The following GLIS2 variants were observed in gnomAD, a reference collection of about 807,000 sequenced individuals.
GLIS2 encodes GLIS family zinc finger 2.
Under a neutral mutation model 35.6 loss-of-function variants are expected in GLIS2, and 14 were observed. The ratio of observed to expected loss-of-function variants is 0.39; its 90% CI spans 0.26 to 0.61. GLIS2 has a LOEUF of 0.61. GLIS2 is among the 20% of genes least tolerant of loss of function. GLIS2 has a pLI of 0.48. For missense variants in GLIS2, 675 were observed against 713.4 expected (o/e 0.95, Z 0.61); for synonymous variants, 368 against 325.1 (o/e 1.13, Z -1.42).
At position 4,316,790 on chromosome 16, in the gene GLIS2, G is replaced by T. The variant is rs538563119; in HGVS notation, c.-67+536G>T. On this transcript the variant is annotated intron_variant, in intron 1 of 6. Transcript: ENST00000433375. Reference sequence around the variant, plus strand: ...ACCTCGGGAAGGGGCGTCCCTGGGGGGTCAGGACTGGGAGTTTGGGACAAG... The same window carrying T: ...ACCTCGGGAAGGGGCGTCCCTGGGGTGTCAGGACTGGGAGTTTGGGACAAG... 1.1e-4 allele frequency among the ~76,000 whole-genome samples: 16 copies of T among 152,290 alleles called. 1 individual carries two copies. Among genetic ancestry groups the T allele is most frequent in the East Asian group, 9.7e-4 (5 of 5,152 alleles).
chr16:4,316,637 C>T (rs2053316052), intron 1 of GLIS2, among the ~76,000 whole-genome samples: 1 of 151,490 alleles, frequency 6.6e-6, no homozygotes, highest in Admixed American at 6.6e-5. Flanking sequence ...ATGAAGTTGT[C>T]CGGGGCAGCC....
chr16:4,337,953 G>A lies in GLIS2; in HGVS notation c.*429G>A, dbSNP rs1369957524. The A allele has an allele frequency of 3.1e-6, 1 of 323,608 alleles. No homozygotes were observed. Among genetic ancestry groups the A allele is most frequent in the African/African-American group, 2.2e-5 (1 of 46,348 alleles). 20.0% of individuals were successfully genotyped at this position (323,608 alleles called of 1,614,324 possible). On this transcript the variant is annotated 3_prime_UTR_variant, in exon 7 of 7. Coordinates refer to ENST00000433375, the MANE Select transcript of GLIS2 (RefSeq NM_032575.3). ...GCACCAGGCTCCCCCTTCCTGAGAG[G>A]AGCCCCCAGGGACCAGAGGCCTGCC...
rs1029382321 is a variant in GLIS2, at chr16:4,332,080, C to T, written c.-66-135C>T. On this transcript the variant is annotated intron_variant, in intron 1 of 6. Coordinates refer to ENST00000433375, the MANE Select transcript of GLIS2 (RefSeq NM_032575.3). The surrounding 1 kb of genome is among the most constrained non-coding windows in gnomAD (Gnocchi z 5.4). ...CCCCCATGATAGCTGCCGGCCAGGT[C>T]GCTCGGAGGGTCTCCCTACCCAGGA... 2.9e-6 allele frequency: 2 copies of T among 681,552 alleles called. No homozygotes were observed. The highest frequency in any genetic ancestry group is 5.2e-6 in the Non-Finnish European group (2 of 385,972). 42.2% of individuals were successfully genotyped at this position (681,552 alleles called of 1,614,324 possible).
Position 4,320,609 on chromosome 16 carries a change from G to A in GLIS2, c.-67+4355G>A, listed in dbSNP as rs2053367989. Among the ~76,000 whole-genome samples, 1 of 152,146 alleles carries A rather than the reference G, an allele frequency of 6.6e-6. No individual in the cohort carries two copies. The highest frequency in any genetic ancestry group is 1.9e-4 in the East Asian group (1 of 5,182). ...GCAAGGGCATGACGGGGGCCAACGT[G>A]TCTGGAAGAAGCCTCTCCCCTTCCC... On this transcript the variant is annotated intron_variant, in intron 1 of 6. Coordinates refer to ENST00000433375, the MANE Select transcript of GLIS2 (RefSeq NM_032575.3). The surrounding 1 kb of genome is among the most constrained non-coding windows in gnomAD (Gnocchi z 5.6).
At position 4,335,040 on chromosome 16, in the gene GLIS2, A is replaced by T. The variant is rs199847030; in HGVS notation, c.523-20A>T. ...GCAGGTCACCCCGCATGGGCTCAGAACACTTCCCATCCTCCGCAGTGTAAC... is the reference window on the plus strand; with the variant it reads ...GCAGGTCACCCCGCATGGGCTCAGATCACTTCCCATCCTCCGCAGTGTAAC... On this transcript the variant is annotated intron_variant, in intron 4 of 6. Coordinates refer to ENST00000433375, the MANE Select transcript of GLIS2 (RefSeq NM_032575.3). The surrounding 1 kb of genome is among the most constrained non-coding windows in gnomAD (Gnocchi z 4.6). 214 of 1,613,286 alleles carry T rather than the reference A, an allele frequency of 1.3e-4. No homozygotes were observed. The African/African-American group carries it at 2.8e-3, about 21-fold the overall frequency.
chr16:4,329,673 C>T (rs1463313412), intron 1 of GLIS2, among the ~76,000 whole-genome samples: 1 of 152,202 alleles, frequency 6.6e-6, no homozygotes, highest in Non-Finnish European at 1.5e-5. Flanking sequence ...CACTCACAGG[C>T]TATGCTAGCC....
chr16:4,337,835 A>C lies in GLIS2; in HGVS notation c.*311A>C. ...CGACCTCCTCCCGTTTCCCTCTCCCACCCTGGCACCTCCCTCACCTAGTGA... is the reference window on the plus strand; with the variant it reads ...CGACCTCCTCCCGTTTCCCTCTCCCCCCCTGGCACCTCCCTCACCTAGTGA... On this transcript the variant is annotated 3_prime_UTR_variant, in exon 7 of 7. Transcript: ENST00000433375. 5.9e-6 allele frequency: 3 copies of C among 506,414 alleles called. No homozygotes were observed. The highest frequency in any genetic ancestry group is 2.1e-5 in the South Asian group (1 of 46,962). 31.4% of individuals were successfully genotyped at this position (506,414 alleles called of 1,614,324 possible). A position where few individuals can be genotyped will look rare whatever the true frequency, so the allele number is the denominator to read the frequency against.
In GLIS2 at chr16:4,335,245, G is replaced by A. The variant is rs769873681; in HGVS notation, c.657-30G>A. The A allele has an allele frequency of 1.9e-6, 3 of 1,613,658 alleles. No individual in the cohort carries two copies. Among genetic ancestry groups the A allele is most frequent in the Non-Finnish European group, 8.5e-7 (1 of 1,180,008 alleles). On this transcript the variant is annotated intron_variant, in intron 5 of 6. Coordinates refer to ENST00000433375, the MANE Select transcript of GLIS2 (RefSeq NM_032575.3). The surrounding 1 kb of genome is among the most constrained non-coding windows in gnomAD (Gnocchi z 4.6). Reference sequence around the variant, plus strand: ...GGAGGACTGGGGTCTCCAGTGAGCTGAGCCGTGCCCCCCGCCCTCCCTGGA... The same window carrying A: ...GGAGGACTGGGGTCTCCAGTGAGCTAAGCCGTGCCCCCCGCCCTCCCTGGA...
Position 4,335,730 on chromosome 16 carries a change from C to T in GLIS2, c.775+337C>T, listed in dbSNP as rs140493663. The stretch of plus-strand genomic sequence containing the variant: ...CCCATACCAGGACAGCTCTGGTTGT[C>T]AGAGCCACAGACATAATTTTACATT... On this transcript the variant is annotated intron_variant, in intron 6 of 6. Coordinates refer to ENST00000433375, the MANE Select transcript of GLIS2 (RefSeq NM_032575.3). This position sits in a 1 kb window ranked among gnomAD's most constrained non-coding sequence, Gnocchi z 4.6. 1,326 of 336,842 alleles carry T rather than the reference C, an allele frequency of 3.9e-3. 24 individuals are homozygous for T. Among genetic ancestry groups the T allele is most frequent in the African/African-American group, 0.025 (1,232 of 48,772 alleles). 20.9% of individuals were successfully genotyped at this position (336,842 alleles called of 1,614,324 possible).
At chr16:4,319,940 G>C (rs577351398) in intron 1 of GLIS2, among the ~76,000 whole-genome samples, 132 of 152,130 alleles carry the variant, frequency 8.7e-4, no homozygotes, top group African/African-American at 3.1e-3. Context: ...GGCCTGGGGG[G>C]CATGGAGATG....
chr16:4,315,694 C>A (rs1184285548), upstream of GLIS2, among the ~76,000 whole-genome samples: 1 of 150,676 alleles, frequency 6.6e-6, no homozygotes. Context: ...AGGATGGGGC[C>A]GAGGAGGACG....
chr16:4,338,008 C>T lies in GLIS2; in HGVS notation c.*484C>T, dbSNP rs2053577680. The T allele has an allele frequency of 4.5e-6, 1 of 221,750 alleles. No homozygotes were observed. Among genetic ancestry groups the T allele is most frequent in the Non-Finnish European group, 9.1e-6 (1 of 110,032 alleles). 13.7% of individuals were successfully genotyped at this position (221,750 alleles called of 1,614,324 possible). A position where few individuals can be genotyped will look rare whatever the true frequency, so the allele number is the denominator to read the frequency against. ...CCTCCTAGGCTTACCCAGCCCCTGC[C>T]CTGGGGGCTCCTTGGACCCCTTTCC... On this transcript the variant is annotated 3_prime_UTR_variant, in exon 7 of 7. Coordinates refer to ENST00000433375, the MANE Select transcript of GLIS2 (RefSeq NM_032575.3).
chr16:4,330,843 ATC>A (rs2053490084), intron 1 of GLIS2, among the ~76,000 whole-genome samples: 4 of 152,278 alleles, frequency 2.6e-5, no homozygotes, highest in African/African-American at 9.6e-5. Flanking sequence ...CATAAATAAA[ATC>A]TCTGCAGCGC....
Position 4,336,712 on chromosome 16 carries a change from C to T in GLIS2, c.776-13C>T, listed in dbSNP as rs773595128. 1.1e-5 allele frequency: 17 copies of T among 1,585,826 alleles called. No homozygotes were observed. Among genetic ancestry groups the T allele is most frequent in the Middle Eastern group, 1.7e-4 (1 of 6,032 alleles). ...GACCCCTCATGGCGGCACTGCACTG[C>T]ACCACCCTGCAGGTGAGAAGCCCTA... is the stretch of plus-strand genomic sequence containing the variant. On this transcript the variant is annotated splice_polypyrimidine_tract_variant and intron_variant, in intron 6 of 6. Coordinates refer to ENST00000433375, the MANE Select transcript of GLIS2 (RefSeq NM_032575.3).
At chr16:4,330,651 C>T (rs2053488480) in intron 1 of GLIS2, among the ~76,000 whole-genome samples, 1 of 152,260 alleles carries the variant, frequency 6.6e-6, no homozygotes, top group South Asian at 2.1e-4. Flanking sequence ...CTCCTTGCCC[C>T]CTGGCCTGGT....
At chr16:4,330,783 T>C (rs932271887) in intron 1 of GLIS2, among the ~76,000 whole-genome samples, 1 of 152,216 alleles carries the variant, frequency 6.6e-6, no homozygotes, top group Non-Finnish European at 1.5e-5. Flanking sequence ...TTGAATCTTG[T>C]TGGGAACAGG....
At chr16:4,324,856 G>A (rs906254472) in intron 1 of GLIS2, 20 of 152,266 alleles carry the variant, frequency 1.3e-4, no homozygotes, top group African/African-American at 4.8e-4. Flanking sequence ...CACGCAAAGG[G>A]AGTAGCAGAG....
At position 4,333,397 on chromosome 16, in the gene GLIS2, G is replaced by T. The variant is rs72766563; in HGVS notation, c.223G>T (p.Ala75Ser). 37,417 of 1,613,012 alleles carry T rather than the reference G, an allele frequency of 0.023. 536 individuals are homozygous for T. The highest frequency in any genetic ancestry group is 0.027 in the Non-Finnish European group (31,690 of 1,179,984). Residue 75 changes from alanine (A) to serine (S), a missense_variant, in exon 3 of 7, where the codon GCA becomes TCA. Physicochemically the swap from Ala to Ser is moderately conservative, Grantham distance 99. Around this residue, in one of 3 missense-constraint regions of GLIS2, gnomAD observed 225 missense variants for 238.7 expected, o/e 0.94. Transcript: ENST00000433375. ...FPEKVEGRFS[A>S]APLVDLSLSP... ...CGAGAAGGTGGAGGGACGCTTTTCA[G>T]CAGCCCCTCTCGTGGACCTCAGCCT...
rs140720783 is a variant in GLIS2, at chr16:4,335,324, C to T, written c.706C>T (p.Arg236Cys). The change falls in exon 6 of 7, where the codon CGC (arginine) becomes TGC (cysteine). Residue 236 changes from arginine (R) to cysteine (C), a missense_variant. Around this residue, in one of 3 missense-constraint regions of GLIS2, gnomAD observed 133 missense variants for 191.4 expected, o/e 0.69. Coordinates refer to ENST00000433375, the MANE Select transcript of GLIS2 (RefSeq NM_032575.3). The surrounding 1 kb of genome is among the most constrained non-coding windows in gnomAD (Gnocchi z 4.6). ...CACACACACCAACGAGAAGCCACAC[C>T]GCTGTCCGACCTGCAGCAAGAGCTT... is the stretch of plus-strand genomic sequence containing the variant. The part of the protein sequence containing the change: ...IRTHTNEKPH[R>C]CPTCSKSFSR... 17 of 1,613,850 alleles carry T rather than the reference C, an allele frequency of 1.1e-5. No individual in the cohort carries two copies. Among genetic ancestry groups the T allele is most frequent in the South Asian group, 2.2e-5 (2 of 91,088 alleles).
Sources: gnomAD v4.1 joint callset for allele counts (sites outside exome capture counted in the v4.1 genomes callset) on GRCh38, gnomAD v4.1.1 for gene constraint, gnomAD v4.1.1 regional missense constraint, Gnocchi (gnomAD v3.1) non-coding constraint, MANE v1.5 for transcripts, NCBI Gene and HGNC (gene_info 2026-07-23, HGNC 2026-07-21) for gene names.